NBPF20: variants seen among roughly 807,000 people sequenced by gnomAD.
NBPF20 encodes NBPF member 20.
In NBPF20, 90 loss-of-function variants were observed where a neutral mutation model predicts 68.1. That is an observed-to-expected ratio of 1.32 (90% CI 1.11 to 1.58). NBPF20 has a LOEUF of 1.58. NBPF20 is among the 40% of genes most tolerant of loss of function. NBPF20 has a pLI of 0.00. For missense variants in NBPF20, 816 were observed against 601.2 expected, an observed-to-expected ratio of 1.36 and a Z score of -3.74; for synonymous variants, 290 against 228.1, an observed-to-expected ratio of 1.27 and a Z score of -2.45.
the NBPF20 span, among the ~76,000 whole-genome samples, chr1:145,415,069 T>A: frequency 1.3e-5 from 2 of 152,098 alleles, no homozygotes; most frequent in East Asian, 3.9e-4. Flanking sequence ...TTATCGGGCA[T>A]TTCCGGAGAG....
At chr1:145,397,257 G>T (rs1241554081) in intron 7 of NBPF20, among the ~76,000 whole-genome samples, 1 of 151,688 alleles carries the variant, frequency 6.6e-6, no homozygotes, top group Non-Finnish European at 1.5e-5. Context: ...ACAGCAGCAT[G>T]ATTTATAATC....
chr1:145,406,019 C>T (rs1441513095), upstream of NBPF20, among the ~76,000 whole-genome samples: 9 of 150,234 alleles, frequency 6.0e-5, no homozygotes, highest in Non-Finnish European at 8.9e-5. Context: ...CCCAGGTTCA[C>T]GCTATTCTCC....
At chr1:145,403,771 T>C (rs371149913) in intron 2 of NBPF20, among the ~76,000 whole-genome samples, 2 of 151,418 alleles carry the variant, frequency 1.3e-5, no homozygotes, top group African/African-American at 4.9e-5. Context: ...GAAAGATTTT[T>C]AAAATCTTTG....
At chr1:145,396,669 CAAGCCAG>C (rs1169308437) in intron 7 of NBPF20, among the ~76,000 whole-genome samples, 2 of 150,852 alleles carry the variant, frequency 1.3e-5, no homozygotes, top group African/African-American at 2.4e-5. Context: ...ACAAACCCTA[CAAGCCAG>C]AAGAGAGTGG....
rs1345994134 is a variant in NBPF20 at position 145,399,603 on chromosome 1, C to A, written c.776-503G>T. Among the ~76,000 whole-genome samples, 6 of 129,662 alleles carry A rather than the reference C, an allele frequency of 4.6e-5. No homozygotes were observed. The East Asian group carries it at 8.8e-4, about 19-fold the overall frequency. 85.1% of individuals were successfully genotyped at this position (129,662 alleles called of 152,430 possible). On this transcript the variant is annotated intron_variant, in intron 6 of 137. Coordinates refer to ENST00000369373, the Ensembl canonical transcript of NBPF20. Reference sequence around the variant, plus strand: ...ACTACCCTGGCCAATATGGGGAAACCCTGTCTCTACTAAAAATACAAAAAT... The same window carrying A: ...ACTACCCTGGCCAATATGGGGAAACACTGTCTCTACTAAAAATACAAAAAT...
At chr1:145,390,313 GAC>G (rs1370102830) in intron 13 of NBPF20, among the ~76,000 whole-genome samples, 197 bp from the exon 19 acceptor site, 33 of 60,774 alleles carry the variant, frequency 5.4e-4, no homozygotes, top group South Asian at 2.7e-3. Context: ...AAGACAGATA[GAC>G]ACACACACAC....
the NBPF20 span, among the ~76,000 whole-genome samples, chr1:145,417,340 G>C: frequency 6.7e-6 from 1 of 149,544 alleles, no homozygotes; most frequent in Non-Finnish European, 1.5e-5. Context: ...TAAATGTAAG[G>C]TGCAAAACCA....
intron 9 of NBPF20, 101 bp from the exon 15 acceptor site, chr1:145,393,347 A>G (rs1339144741): frequency 4.3e-6 from 3 of 702,016 alleles, no homozygotes; most frequent in South Asian, 1.6e-5. Flanking sequence ...TTTGAAAAGA[A>G]AAAGGACAGA....
chr1:145,398,197 C>A (rs1254205705), intron 7 of NBPF20, among the ~76,000 whole-genome samples: 235 of 151,852 alleles, frequency 1.5e-3, no homozygotes, highest in Admixed American at 4.7e-3. Flanking sequence ...ACAAGGATAT[C>A]CAGGACTTGA....
At chr1:145,394,440 C>T (rs1346962248) in intron 8 of NBPF20, among the ~76,000 whole-genome samples, 2 of 151,976 alleles carry the variant, frequency 1.3e-5, no homozygotes, top group African/African-American at 2.4e-5. Flanking sequence ...ATCTAGAAAA[C>T]ATACCAGGAA....
chr1:145,393,488 C>CACAG, intron 9 of NBPF20, among the ~76,000 whole-genome samples: 1 of 149,006 alleles, frequency 6.7e-6, no homozygotes, highest in Non-Finnish European at 1.5e-5. Flanking sequence ...CACACACACA[C>CACAG]ACAGAGCGAG....
chr1:145,409,309 G>A (rs1313574736), upstream of NBPF20, among the ~76,000 whole-genome samples: 6 of 149,270 alleles, frequency 4.0e-5, no homozygotes, highest in Non-Finnish European at 7.5e-5. Flanking sequence ...ATCATTCCGC[G>A]TTTGGGCTAT....
chr1:145,393,689 T>G, intron 9 of NBPF20, 195 bp downstream of exon 14: 1 of 1,428,290 alleles, frequency 7.0e-7, no homozygotes. Flanking sequence ...TTCACTAGGT[T>G]AGTAAATGAT....
rs1251719453 is a variant in NBPF20, at chr1:145,400,774, T to C, written c.567-180A>G. ...TCTCTGCAACAGAGCATGGCTGCCATGGGAACCAGAGAGGAAGAGAGCAGC... is the reference window on the plus strand; with the variant it reads ...TCTCTGCAACAGAGCATGGCTGCCACGGGAACCAGAGAGGAAGAGAGCAGC... On this transcript the variant is annotated intron_variant, in intron 5 of 137. Coordinates refer to ENST00000369373, the Ensembl canonical transcript of NBPF20. Among the ~76,000 whole-genome samples the C allele has an allele frequency of 7.0e-4, 106 of 152,214 alleles. 2 individuals carry two copies. The highest frequency in any genetic ancestry group is 2.4e-3 in the African/African-American group (98 of 41,488).
Position 145,405,064 on chromosome 1 carries a change from A to G in NBPF20, c.175+34T>C, listed in dbSNP as rs782757238. The G allele has an allele frequency of 6.8e-6, 11 of 1,612,946 alleles. No individual in the cohort carries two copies. The South Asian group carries it at 1.2e-4, about 18-fold the overall frequency. On this transcript the variant is annotated intron_variant, in intron 2 of 137. Transcript: ENST00000369373. ...TGTCTCAGAAGACAGGACATCATTCATCACTTTCATGATGGTGAGCCTATA... is the reference window on the plus strand; with the variant it reads ...TGTCTCAGAAGACAGGACATCATTCGTCACTTTCATGATGGTGAGCCTATA...
At chr1:145,334,817 A>G (rs1661556253) in intron 83 of NBPF20, among the ~76,000 whole-genome samples, 186 bp from the exon 89 acceptor site, 1 of 135,618 alleles carries the variant, frequency 7.4e-6, no homozygotes, top group Non-Finnish European at 1.7e-5. Flanking sequence ...ATGAAAGAGA[A>G]AGACAGGGAG....
chr1:145,405,988 G>C (rs1377733549), upstream of NBPF20, among the ~76,000 whole-genome samples: 10 of 150,540 alleles, frequency 6.6e-5, no homozygotes, highest in African/African-American at 1.9e-4. Context: ...ACGCGATCTA[G>C]GCTCACTGCA....
At chr1:145,290,194 A>C (rs1435160069) in exon 138 of NBPF20, 1 of 148,532 alleles carries the variant, frequency 6.7e-6, no homozygotes, top group East Asian at 1.9e-4. Context: ...AGGGAGGATT[A>C]ATAAATGATA....
chr1:145,423,906 T>C, the NBPF20 span, among the ~76,000 whole-genome samples: 1 of 151,476 alleles, frequency 6.6e-6, no homozygotes, highest in African/African-American at 2.4e-5. Flanking sequence ...CCTACAAATA[T>C]ACCCCAGTCT....
Sources: gnomAD v4.1 joint callset for allele counts (sites outside exome capture counted in the v4.1 genomes callset) on GRCh38, gnomAD v4.1.1 for gene constraint, MANE v1.5 for transcripts, NCBI Gene and HGNC (gene_info 2026-07-23, HGNC 2026-07-21) for gene names.